The following SLC6A17 variants were observed in gnomAD, a reference collection of about 807,000 sequenced individuals.
The protein encoded by SLC6A17 is sodium-dependent neutral amino acid transporter SLC6A17.
In SLC6A17, 21 loss-of-function variants were observed where a neutral mutation model predicts 64.5. The ratio of observed to expected loss-of-function variants is 0.33; its 90% confidence interval spans 0.23 to 0.47. The LOEUF is 0.47. SLC6A17 is among the 20% of genes least tolerant of loss of function. The pLI is 1.00. For missense variants in SLC6A17, 682 were observed against 963.2 expected, an observed-to-expected ratio of 0.71 and a Z score of 3.86; for synonymous variants, 372 against 399.5, an observed-to-expected ratio of 0.93 and a Z score of 0.82.
chr1:110,171,082 G>C (rs1229897650), intron 2 of SLC6A17, among the ~76,000 whole-genome samples: 3 of 152,196 alleles, frequency 2.0e-5, no homozygotes, highest in African/African-American at 7.2e-5. Context: ...TTGGCAGATT[G>C]GGCACACGTT....
intron 2 of SLC6A17, among the ~76,000 whole-genome samples, chr1:110,169,685 TCTC>T (rs1475805209): frequency 1.3e-5 from 2 of 152,050 alleles, no homozygotes; most frequent in African/African-American, 2.4e-5. Context: ...TCCTGATAAA[TCTC>T]CTAACATCCT....
chr1:110,152,233 G>A (rs1442880981), intron 1 of SLC6A17, among the ~76,000 whole-genome samples: 1 of 152,176 alleles, frequency 6.6e-6, no homozygotes, highest in Admixed American at 6.6e-5. Context: ...CATCCACGAG[G>A]ACCGTCAGAG....
intron 6 of SLC6A17, among the ~76,000 whole-genome samples, chr1:110,182,903 G>T (rs1297872215): frequency 1.3e-5 from 2 of 152,152 alleles, no homozygotes; most frequent in African/African-American, 4.8e-5. Flanking sequence ...TTATTCTCAG[G>T]AGTTTTGCGA....
chr1:110,191,931 T>C, intron 6 of SLC6A17, 41 bp from the exon 7 acceptor site: 1 of 1,597,846 alleles, frequency 6.3e-7, no homozygotes. Flanking sequence ...CCATCCCCTC[T>C]GTGTCTCTTT....
In SLC6A17 at chr1:110,192,280, G is replaced by A. The variant is rs1656847150; in HGVS notation, c.1106+67G>A. 1.3e-6 allele frequency: 2 copies of A among 1,562,686 alleles called. No individual in the cohort carries two copies. The highest frequency in any genetic ancestry group is 1.7e-6 in the Non-Finnish European group (2 of 1,151,150). ...ACCTTACCTGGGAGTGGGCAGGGGT[G>A]GGGGCGCAGGTGTGCATGGGGAGAG... On this transcript the variant is annotated intron_variant, in intron 7 of 11. Transcript: ENST00000331565. The surrounding 1 kb of genome is among the most constrained non-coding windows in gnomAD (Gnocchi z 4.3).
rs112468007 is a variant in SLC6A17, at chr1:110,197,363, G to A, written c.1653-74G>A. 1.8e-5 allele frequency: 27 copies of A among 1,534,144 alleles called. 1 individual carries two copies. In the African/African-American group the frequency reaches 2.8e-4, roughly 16 times the overall value. The stretch of plus-strand genomic sequence containing the variant: ...GACTGGGAAACGAAGACTTTCTGGA[G>A]GAGATGGTGATGGGGGAAGAGGGAG... On this transcript the variant is annotated intron_variant, in intron 10 of 11. Coordinates refer to ENST00000331565, the MANE Select transcript of SLC6A17 (RefSeq NM_001010898.4).
At chr1:110,170,031 C>A (rs1370329596) in intron 2 of SLC6A17, among the ~76,000 whole-genome samples, 1 of 152,138 alleles carries the variant, frequency 6.6e-6, no homozygotes, top group Non-Finnish European at 1.5e-5. Flanking sequence ...TGCTCTCCCA[C>A]CCCTGTCACT....
At chr1:110,171,274 G>A (rs1193426299) in intron 2 of SLC6A17, among the ~76,000 whole-genome samples, 1 of 152,178 alleles carries the variant, frequency 6.6e-6, no homozygotes, top group Non-Finnish European at 1.5e-5. Flanking sequence ...TAGGTTGTTG[G>A]CACAGCTCTC....
At position 110,154,425 on chromosome 1, in the gene SLC6A17, G is replaced by A. The variant is rs1478776278; in HGVS notation, c.-88+3542G>A. ...CCAAACAAGATTGTCTAGAGCTGTGGGTCCAGTTTTTTTAAGTTAGTGCCC... is the reference window on the plus strand; with the variant it reads ...CCAAACAAGATTGTCTAGAGCTGTGAGTCCAGTTTTTTTAAGTTAGTGCCC... On this transcript the variant is annotated intron_variant, in intron 1 of 11. Transcript: ENST00000331565. 6.6e-5 allele frequency among the ~76,000 whole-genome samples: 10 copies of A among 152,274 alleles called. No individual in the cohort carries two copies. The South Asian group carries it at 2.1e-3, about 32-fold the overall frequency.
chr1:110,156,125 G>T (rs1431376880), intron 1 of SLC6A17, among the ~76,000 whole-genome samples: 1 of 152,208 alleles, frequency 6.6e-6, no homozygotes, highest in East Asian at 1.9e-4. Context: ...CACCACTGGG[G>T]CCATCTGCCT....
intron 6 of SLC6A17, among the ~76,000 whole-genome samples, chr1:110,179,814 A>C (rs1656473752): frequency 6.6e-6 from 1 of 151,634 alleles, no homozygotes; most frequent in African/African-American, 2.4e-5. Flanking sequence ...TGGCCTCCCA[A>C]AGTGTTGGGA....
chr1:110,156,363 G>A (rs1050708541), intron 1 of SLC6A17, among the ~76,000 whole-genome samples: 1 of 152,162 alleles, frequency 6.6e-6, no homozygotes, highest in Admixed American at 6.5e-5. Context: ...GCCACAGATG[G>A]GTAGCATGTG....
Position 110,192,247 on chromosome 1 carries a change from C to T in SLC6A17, c.1106+34C>T. 3 of 1,586,610 alleles carry T rather than the reference C, an allele frequency of 1.9e-6. No homozygotes were observed. Among genetic ancestry groups the T allele is most frequent in the Non-Finnish European group, 2.6e-6 (3 of 1,163,488 alleles). ...CATCTCTCCTCCTGTCCCTCCTTCT[C>T]CCTGTCTACCTTACCTGGGAGTGGG... On this transcript the variant is annotated intron_variant, in intron 7 of 11. Transcript: ENST00000331565. This position sits in a 1 kb window ranked among gnomAD's most constrained non-coding sequence, Gnocchi z 4.3.
intron 4 of SLC6A17, among the ~76,000 whole-genome samples, chr1:110,174,479 A>G (rs1323464350): frequency 2.0e-5 from 3 of 152,174 alleles, no homozygotes; most frequent in Non-Finnish European, 4.4e-5. Context: ...ACCTTCCCCG[A>G]GGAACTTTAG....
chr1:110,194,383 A>G (rs1656905846), intron 8 of SLC6A17, among the ~76,000 whole-genome samples, 196 bp from the exon 9 acceptor site: 2 of 152,196 alleles, frequency 1.3e-5, no homozygotes, highest in African/African-American at 4.8e-5. Flanking sequence ...GGTGTTTTTG[A>G]GCTACGTCTA....
intron 6 of SLC6A17, among the ~76,000 whole-genome samples, chr1:110,189,769 A>G (rs894183037): frequency 6.6e-6 from 1 of 152,116 alleles, no homozygotes; most frequent in African/African-American, 2.4e-5. Flanking sequence ...ACCTCTGTCC[A>G]TGCTTCTTCC....
intron 1 of SLC6A17, among the ~76,000 whole-genome samples, chr1:110,155,976 T>C (rs1050194743): frequency 6.6e-6 from 1 of 152,210 alleles, no homozygotes; most frequent in Non-Finnish European, 1.5e-5. Flanking sequence ...CAGAATGTAC[T>C]GCCAAGTGAG....
chr1:110,182,040 T>C (rs986877600), intron 6 of SLC6A17, among the ~76,000 whole-genome samples: 5 of 152,264 alleles, frequency 3.3e-5, no homozygotes, highest in Admixed American at 3.3e-4. Flanking sequence ...AAGTGGCTTC[T>C]GTAGAAAATC....
At chr1:110,174,728 G>A in intron 4 of SLC6A17, 51 bp from the exon 5 acceptor site, 2 of 1,587,180 alleles carry the variant, frequency 1.3e-6, no homozygotes, top group Non-Finnish European at 1.7e-6. Context: ...CAGAGGAAGT[G>A]ACCCCATAGG....
Sources: gnomAD v4.1 joint callset for allele counts (sites outside exome capture counted in the v4.1 genomes callset) on GRCh38, gnomAD v4.1.1 for gene constraint, Gnocchi (gnomAD v3.1) non-coding constraint, MANE v1.5 for transcripts, NCBI Gene and HGNC (gene_info 2026-07-23, HGNC 2026-07-21) for gene names.